Variants in CNTN5 observed in about 807,000 individuals in gnomAD.
CNTN5 encodes the protein contactin 5.
In CNTN5, 77 loss-of-function variants were observed where a neutral mutation model predicts 129.1. The observed-to-expected ratio is 0.60, with a 90% confidence interval of 0.50 to 0.72. The LOEUF is 0.72. CNTN5 is among the 30% of genes least tolerant of loss of function. CNTN5 has a pLI of 0.00. For synonymous variants in CNTN5, 509 were observed against 465.6 expected (o/e 1.09, Z -1.20); for missense variants, 1,478 against 1,328.8 (o/e 1.11, Z -1.75).
Position 100,075,267 on chromosome 11 carries a change from A to G in CNTN5, c.1580+973A>G, listed in dbSNP as rs998007142. 4.6e-5 allele frequency among the ~76,000 whole-genome samples: 7 copies of G among 152,222 alleles called. No individual in the cohort carries two copies. The South Asian group carries it at 1.4e-3, about 32-fold the overall frequency. ...ATTTAAATAGTCTATTTCAGATTAA[A>G]CAATTTTTGGAATTACTGGCTTCAG... On this transcript the variant is annotated intron_variant, in intron 13 of 24. Coordinates refer to ENST00000524871, the MANE Select transcript of CNTN5 (RefSeq NM_014361.4).
At chr11:99,281,312 A>T (rs933102250) in intron 1 of CNTN5, among the ~76,000 whole-genome samples, 16 of 151,986 alleles carry the variant, frequency 1.1e-4, no homozygotes, top group African/African-American at 3.9e-4. Flanking sequence ...ACAAAAAGAA[A>T]TCCTCATATA....
chr11:100,213,574 G>A (rs1949078655), intron 15 of CNTN5, among the ~76,000 whole-genome samples: 1 of 152,122 alleles, frequency 6.6e-6, no homozygotes, highest in African/African-American at 2.4e-5. Context: ...CTGTGGCTGT[G>A]TCTTGACTCA....
At chr11:99,089,485 T>G (rs188755186) in intron 1 of CNTN5, among the ~76,000 whole-genome samples, 89 of 152,336 alleles carry the variant, frequency 5.8e-4, no homozygotes, top group African/African-American at 2.1e-3. Context: ...TTTTCACGAC[T>G]TGCCTAGTGT....
chr11:99,391,283 T>C (rs1398278483), intron 2 of CNTN5, among the ~76,000 whole-genome samples: 5 of 152,190 alleles, frequency 3.3e-5, no homozygotes, highest in Non-Finnish European at 7.4e-5. Flanking sequence ...ACTAGATTGT[T>C]CTTTTAATTA....
intron 3 of CNTN5, among the ~76,000 whole-genome samples, chr11:99,780,429 T>C (rs1460530710): frequency 1.3e-5 from 2 of 152,010 alleles, no homozygotes; most frequent in African/African-American, 2.4e-5. Context: ...AAAGACATTA[T>C]AACGACACTT....
chr11:99,156,722 T>C (rs1212755613), intron 1 of CNTN5, among the ~76,000 whole-genome samples: 1 of 152,028 alleles, frequency 6.6e-6, no homozygotes, highest in African/African-American at 2.4e-5. Flanking sequence ...ATATATGCTT[T>C]GTCAATATTG....
chr11:100,181,716 G>T (rs1948143882), intron 13 of CNTN5, among the ~76,000 whole-genome samples: 1 of 151,952 alleles, frequency 6.6e-6, no homozygotes. Context: ...TCTTAAAACT[G>T]CATGTGACCT....
chr11:100,005,527 T>C (rs1029282077), intron 9 of CNTN5, among the ~76,000 whole-genome samples: 2 of 152,200 alleles, frequency 1.3e-5, no homozygotes, highest in African/African-American at 2.4e-5. Context: ...TGACTATAGG[T>C]ACTAGGTTGG....
chr11:99,689,520 C>G (rs117604141), intron 3 of CNTN5, among the ~76,000 whole-genome samples: 3,959 of 89,478 alleles, frequency 0.044, 136 homozygotes, highest in East Asian at 0.27. Context: ...GAGTGAGACT[C>G]CTCAAAAAAG....
intron 6 of CNTN5, among the ~76,000 whole-genome samples, chr11:99,907,043 C>A (rs1949527364): frequency 6.6e-6 from 1 of 151,790 alleles, no homozygotes; most frequent in South Asian, 2.1e-4. Context: ...GGCTAGTGGT[C>A]TATTTTGTTA....
intron 1 of CNTN5, among the ~76,000 whole-genome samples, chr11:99,027,321 G>A (rs936649202): frequency 5.3e-5 from 8 of 151,502 alleles, no homozygotes; most frequent in Non-Finnish European, 8.9e-5. Flanking sequence ...AACTCAGCAA[G>A]AAATGTAGAT....
chr11:100,127,862 T>A (rs1228764657), intron 13 of CNTN5, among the ~76,000 whole-genome samples: 1 of 151,836 alleles, frequency 6.6e-6, no homozygotes, highest in African/African-American at 2.4e-5. Context: ...AGTTTCACCA[T>A]CTTGGCCAGG....
chr11:100,289,628 C>A (rs377746413), intron 18 of CNTN5, among the ~76,000 whole-genome samples: 1 of 151,860 alleles, frequency 6.6e-6, no homozygotes, highest in Non-Finnish European at 1.5e-5. Context: ...TAAGAGCTAT[C>A]TATGACAAAC....
chr11:100,349,780 C>T (rs1441945254), intron 23 of CNTN5, among the ~76,000 whole-genome samples: 2 of 151,580 alleles, frequency 1.3e-5, no homozygotes, highest in Admixed American at 1.3e-4. Flanking sequence ...ACTATTATAC[C>T]AAAAATTTTA....
At chr11:99,645,641 C>T (rs959224544) in intron 3 of CNTN5, among the ~76,000 whole-genome samples, 1 of 152,100 alleles carries the variant, frequency 6.6e-6, no homozygotes, top group Non-Finnish European at 1.5e-5. Context: ...AGTTCATGTC[C>T]TTTGCAGTGA....
chr11:99,557,034 C>A (rs993183136), intron 3 of CNTN5, among the ~76,000 whole-genome samples: 1 of 151,128 alleles, frequency 6.6e-6, no homozygotes, highest in African/African-American at 2.4e-5. Context: ...ATATTTAAAT[C>A]AGTACCTATA....
At chr11:99,836,796 C>A (rs1467441584) in intron 4 of CNTN5, among the ~76,000 whole-genome samples, 1 of 152,184 alleles carries the variant, frequency 6.6e-6, no homozygotes, top group Non-Finnish European at 1.5e-5. Flanking sequence ...ACATCCTCTC[C>A]AGCACCTGTT....
chr11:99,670,143 A>C (rs1952973939), intron 3 of CNTN5, among the ~76,000 whole-genome samples: 1 of 152,150 alleles, frequency 6.6e-6, no homozygotes. Flanking sequence ...ATGTTCTCCC[A>C]TCCCACTCCC....
chr11:99,839,367 A>C (rs1591288224), intron 4 of CNTN5, among the ~76,000 whole-genome samples: 1 of 152,174 alleles, frequency 6.6e-6, no homozygotes, highest in East Asian at 1.9e-4. Context: ...ACTTCAGAAC[A>C]TATCGAAGGA....
Sources: allele counts gnomAD v4.1 joint callset (sites outside exome capture counted in the v4.1 genomes callset), GRCh38; gene constraint gnomAD v4.1.1; transcripts MANE v1.5; gene names NCBI Gene and HGNC (gene_info 2026-07-23, HGNC 2026-07-21).